The following MAML2 variants were observed in gnomAD, a reference collection of about 807,000 sequenced individuals.
The protein encoded by MAML2 is mastermind like transcriptional coactivator 2.
A neutral mutation model predicts 96.1 loss-of-function variants in MAML2; 22 were observed. The ratio of observed to expected loss-of-function variants is 0.23; its 90% confidence interval spans 0.16 to 0.33. The LOEUF (loss-of-function observed/expected upper bound fraction) is 0.33, where lower values mean the gene tolerates loss of function less well. MAML2 is among the 10% of genes least tolerant of loss of function. MAML2 has a pLI of 1.00. For missense variants in MAML2, 1,367 were observed against 1,392.4 expected, an observed-to-expected ratio of 0.98 and a Z score of 0.29; for synonymous variants, 561 against 521.3, an observed-to-expected ratio of 1.08 and a Z score of -1.04.
At chr11:96,125,728 G>A (rs1247953862) in intron 1 of MAML2, among the ~76,000 whole-genome samples, 1 of 152,178 alleles carries the variant, frequency 6.6e-6, no homozygotes, top group Non-Finnish European at 1.5e-5. Flanking sequence ...AGTGAGAGAA[G>A]CCTAAAATAA....
intron 1 of MAML2, among the ~76,000 whole-genome samples, chr11:96,234,166 T>C (rs189263771): frequency 1.9e-4 from 29 of 152,232 alleles, no homozygotes; most frequent in African/African-American, 5.5e-4. Flanking sequence ...CCTTGAGACA[T>C]TGAACACACC....
intron 1 of MAML2, among the ~76,000 whole-genome samples, chr11:96,313,870 C>T (rs1863588188): frequency 1.3e-5 from 2 of 152,140 alleles, no homozygotes; most frequent in Non-Finnish European, 2.9e-5. Flanking sequence ...GATTTTTCGA[C>T]ATTTGAAATA....
intron 2 of MAML2, among the ~76,000 whole-genome samples, chr11:96,043,961 T>C (rs1030162297): frequency 1.3e-5 from 2 of 152,210 alleles, no homozygotes; most frequent in African/African-American, 4.8e-5. Context: ...ATGAAGGTAA[T>C]CATCTATGTC....
In MAML2 at chr11:96,181,061, C is replaced by T. The variant is rs373001145; in HGVS notation, c.514-87544G>A. 3.2e-4 allele frequency among the ~76,000 whole-genome samples: 48 copies of T among 152,096 alleles called. No individual in the cohort carries two copies. The South Asian group carries it at 7.3e-3, about 23-fold the overall frequency. On this transcript the variant is annotated intron_variant, in intron 1 of 4. Transcript: ENST00000524717. The stretch of plus-strand genomic sequence containing the variant: ...TAATGTCATCAGTTAAGGCAAGGAC[C>T]GGCCATTTACACTTCTTTTGTGGTG...
intron 1 of MAML2, among the ~76,000 whole-genome samples, chr11:96,277,834 C>G (rs934533110): frequency 1.3e-5 from 2 of 151,196 alleles, no homozygotes; most frequent in East Asian, 3.9e-4. Context: ...ATTTAGTATC[C>G]TGAAAAAGTT....
At chr11:96,252,294 A>C (rs932605296) in intron 1 of MAML2, among the ~76,000 whole-genome samples, 2 of 152,162 alleles carry the variant, frequency 1.3e-5, no homozygotes, top group Non-Finnish European at 2.9e-5. Context: ...TATAAATAAC[A>C]GTGAATAGTT....
chr11:96,055,947 T>G, intron 2 of MAML2, among the ~76,000 whole-genome samples: 1 of 152,204 alleles, frequency 6.6e-6, no homozygotes, highest in East Asian at 1.9e-4. Flanking sequence ...TGAAAAAAAG[T>G]AATAGCATTA....
chr11:96,242,588 C>CT (rs1245482919), intron 1 of MAML2, among the ~76,000 whole-genome samples: 1 of 152,122 alleles, frequency 6.6e-6, no homozygotes, highest in Non-Finnish European at 1.5e-5. Flanking sequence ...TTTCTGCAGG[C>CT]TGAAACAGAG....
intron 1 of MAML2, among the ~76,000 whole-genome samples, chr11:96,115,033 C>G (rs1442463429): frequency 6.6e-6 from 1 of 151,910 alleles, no homozygotes; most frequent in African/African-American, 2.4e-5. Context: ...GGAGAGGACA[C>G]GGAAGTTCAT....
chr11:96,219,311 G>A (rs140323232), intron 1 of MAML2, among the ~76,000 whole-genome samples: 3 of 152,178 alleles, frequency 2.0e-5, no homozygotes, highest in East Asian at 1.9e-4. Context: ...AAGCACTTTC[G>A]GATTCTTCAA....
At chr11:96,262,832 C>T (rs982902590) in intron 1 of MAML2, among the ~76,000 whole-genome samples, 8 of 152,178 alleles carry the variant, frequency 5.3e-5, no homozygotes, top group Non-Finnish European at 1.5e-5. Flanking sequence ...ATGGCAAGTG[C>T]CATATTTGCC....
At chr11:96,288,656 A>C (rs1303842246) in intron 1 of MAML2, among the ~76,000 whole-genome samples, 1 of 152,206 alleles carries the variant, frequency 6.6e-6, no homozygotes, top group African/African-American at 2.4e-5. Flanking sequence ...TATTCACGTA[A>C]TATTAATTCT....
intron 1 of MAML2, among the ~76,000 whole-genome samples, chr11:96,107,800 C>T (rs1591017447): frequency 1.3e-5 from 2 of 152,266 alleles, no homozygotes; most frequent in South Asian, 4.1e-4. Context: ...GGACAGGGTT[C>T]AGGAGCTTCC....
At chr11:96,065,062 G>A (rs1226145481) in intron 2 of MAML2, among the ~76,000 whole-genome samples, 6 of 152,010 alleles carry the variant, frequency 3.9e-5, no homozygotes, top group African/African-American at 1.2e-4. Flanking sequence ...GTGTCAAAGT[G>A]GACAGAAAAT....
intron 1 of MAML2, among the ~76,000 whole-genome samples, chr11:96,174,847 C>T (rs1237480792): frequency 6.6e-6 from 1 of 152,264 alleles, no homozygotes. Flanking sequence ...TCATTCAAAT[C>T]TCTTGCCACT....
chr11:96,060,803 T>C (rs2135778424), intron 2 of MAML2, among the ~76,000 whole-genome samples: 1 of 152,384 alleles, frequency 6.6e-6, no homozygotes, highest in South Asian at 2.1e-4. Context: ...GGTAGTCTTG[T>C]GGCTGAGATC....
intron 1 of MAML2, among the ~76,000 whole-genome samples, chr11:96,097,436 A>G (rs2135817697): frequency 6.6e-6 from 1 of 152,240 alleles, no homozygotes; most frequent in South Asian, 2.1e-4. Context: ...GGGAGAAAGG[A>G]GAAGTATTAG....
At position 95,979,646 on chromosome 11, in the gene MAML2, A is replaced by C; in HGVS notation, c.2773T>G (p.Phe925Val). The C allele has an allele frequency of 1.2e-6, 2 of 1,613,952 alleles. No homozygotes were observed. The highest frequency in any genetic ancestry group is 1.7e-6 in the Non-Finnish European group (2 of 1,179,868). The change falls in exon 5 of 5, where the codon TTT becomes GTT. Residue 925 changes from phenylalanine (F) to valine (V), a missense_variant. Coordinates refer to ENST00000524717, the MANE Select transcript of MAML2 (RefSeq NM_032427.4). ...GAATTACCAACAGATCCAGCTCCAAAAGTGGCTACATTGTTATTATTACTT... is the reference window on the plus strand; with the variant it reads ...GAATTACCAACAGATCCAGCTCCAACAGTGGCTACATTGTTATTATTACTT... Reference protein sequence around the residue: ...GPSNNNNVATFGAGSVGNSQQ... With the variant: ...GPSNNNNVATVGAGSVGNSQQ...
intron 1 of MAML2, among the ~76,000 whole-genome samples, chr11:96,106,160 C>T (rs914297385): frequency 2.0e-5 from 3 of 152,190 alleles, no homozygotes; most frequent in African/African-American, 7.2e-5. Context: ...TTTGATCTGA[C>T]TTGCTCAGCT....
Sources: gnomAD v4.1 joint callset for allele counts (sites outside exome capture counted in the v4.1 genomes callset) on GRCh38, gnomAD v4.1.1 for gene constraint, MANE v1.5 for transcripts, NCBI Gene and HGNC (gene_info 2026-07-23, HGNC 2026-07-21) for gene names.